ARL15: variants seen among roughly 807,000 people sequenced by gnomAD.
The protein encoded by ARL15 is ADP-ribosylation factor-like protein 15.
Under a neutral mutation model 25.2 loss-of-function variants are expected in ARL15, and 19 were observed. The ratio of observed to expected loss-of-function variants is 0.75; its 90% CI spans 0.53 to 1.10. ARL15 has a LOEUF of 1.10. ARL15 is among the 50% of genes least tolerant of loss of function. The probability of loss-of-function intolerance (pLI) is 0.00; values close to 1 mark genes in which losing one functional copy is unlikely to be tolerated. For missense variants in ARL15, 220 were observed against 246.0 expected (o/e 0.89, Z 0.71); for synonymous variants, 94 against 86.8 (o/e 1.08, Z -0.46).
intron 4 of ARL15, among the ~76,000 whole-genome samples, chr5:54,086,424 T>C (rs1214031524): frequency 2.0e-5 from 3 of 149,010 alleles, no homozygotes; most frequent in South Asian, 2.2e-4. Flanking sequence ...CTTCAAGACA[T>C]TGAGACAATG....
chr5:53,935,812 G>A (rs1181195306), intron 4 of ARL15, among the ~76,000 whole-genome samples: 2 of 152,168 alleles, frequency 1.3e-5, no homozygotes, highest in Non-Finnish European at 1.5e-5. Context: ...CTGGAGTACA[G>A]TGGTGCGATC....
chr5:54,118,090 C>T (rs191192686), intron 3 of ARL15, among the ~76,000 whole-genome samples: 1 of 152,230 alleles, frequency 6.6e-6, no homozygotes, highest in Non-Finnish European at 1.5e-5. Context: ...ACAAGAAAGA[C>T]CAATGCAAGT....
intron 4 of ARL15, among the ~76,000 whole-genome samples, chr5:53,958,885 A>C (rs970061587): frequency 1.3e-5 from 2 of 152,214 alleles, no homozygotes; most frequent in Admixed American, 1.3e-4. Flanking sequence ...TATGCACCAA[A>C]TATCAGATCT....
chr5:54,132,587 A>G (rs1753472418), intron 3 of ARL15, among the ~76,000 whole-genome samples: 1 of 152,168 alleles, frequency 6.6e-6, no homozygotes. Flanking sequence ...TTCTTAAGTG[A>G]AAGTAAGTTT....
chr5:53,922,322 TA>T (rs1480248650), intron 4 of ARL15, among the ~76,000 whole-genome samples: 2 of 152,186 alleles, frequency 1.3e-5, no homozygotes, highest in Admixed American at 1.3e-4. Flanking sequence ...GTCTCTGCCC[TA>T]GGACCAGGAG....
intron 4 of ARL15, among the ~76,000 whole-genome samples, chr5:53,994,510 G>T (rs1748606816): frequency 6.6e-6 from 1 of 152,174 alleles, no homozygotes; most frequent in Non-Finnish European, 1.5e-5. Flanking sequence ...AAGAGAGGCT[G>T]AATTAGCTGC....
At chr5:53,886,861 C>T (rs1471936663) in intron 4 of ARL15, 148 bp from the exon 5 acceptor site, 21 of 717,734 alleles carry the variant, frequency 2.9e-5, no homozygotes, top group Non-Finnish European at 4.1e-5. Flanking sequence ...GATGCCTGTC[C>T]GCAGCTGTTG....
intron 1 of ARL15, chr5:54,282,147 T>C (rs1307085677): frequency 1.8e-6 from 1 of 568,888 alleles, no homozygotes; most frequent in Non-Finnish European, 2.2e-6. Flanking sequence ...TCTAAAGTGG[T>C]TGTATATATT....
At chr5:54,238,739 T>A (rs1248390883) in intron 1 of ARL15, among the ~76,000 whole-genome samples, 1 of 152,154 alleles carries the variant, frequency 6.6e-6, no homozygotes, top group Non-Finnish European at 1.5e-5. Flanking sequence ...ACAGATCAGG[T>A]TGTTGTAATA....
chr5:54,261,280 T>G (rs1757491771), intron 1 of ARL15, among the ~76,000 whole-genome samples: 1 of 152,218 alleles, frequency 6.6e-6, no homozygotes, highest in Non-Finnish European at 1.5e-5. Context: ...GACCACAGTT[T>G]GTTTTTAAGT....
At chr5:53,911,668 T>C (rs1745469258) in intron 4 of ARL15, among the ~76,000 whole-genome samples, 1 of 152,076 alleles carries the variant, frequency 6.6e-6, no homozygotes, top group Non-Finnish European at 1.5e-5. Context: ...CAATGTGTAG[T>C]CTTTTATCCC....
rs949857141 is a variant in ARL15 at position 53,885,082 on chromosome 5, T to C, written c.*1479A>G. The C allele has an allele frequency of 6.6e-6, 1 of 152,660 alleles. No homozygotes were observed. The highest frequency in any genetic ancestry group is 1.5e-5 in the Non-Finnish European group (1 of 68,042). 9.5% of individuals were successfully genotyped at this position (152,660 alleles called of 1,614,324 possible). On this transcript the variant is annotated 3_prime_UTR_variant, in exon 5 of 5. Transcript: ENST00000504924. Reference sequence around the variant, plus strand: ...CTACATTTAAATGGCATTAAGGGTCTGAAGTCTATCTTCTGGAGAATTACC... The same window carrying C: ...CTACATTTAAATGGCATTAAGGGTCCGAAGTCTATCTTCTGGAGAATTACC...
Position 54,272,582 on chromosome 5 carries a change from C to CA in ARL15, c.48+37849dup, listed in dbSNP as rs1178313798. The stretch of plus-strand genomic sequence containing the variant: ...TTTAAGTTCCTAAGTTAAATAACCC[C>CA]AAATGTTTCTTATCAAGAAAAAAAG... On this transcript the variant is annotated intron_variant, in intron 1 of 4. Coordinates refer to ENST00000504924, the MANE Select transcript of ARL15 (RefSeq NM_019087.3). 3.3e-5 allele frequency among the ~76,000 whole-genome samples: 5 copies of CA among 152,010 alleles called. No homozygotes were observed. The South Asian group carries it at 1.0e-3, about 32-fold the overall frequency.
intron 4 of ARL15, among the ~76,000 whole-genome samples, chr5:54,009,816 AG>A (rs1749173366): frequency 6.6e-6 from 1 of 152,210 alleles, no homozygotes. Context: ...CAGGGAGAGT[AG>A]GGAACATCTC....
chr5:53,986,046 A>G (rs1747836266), intron 4 of ARL15, among the ~76,000 whole-genome samples: 1 of 152,186 alleles, frequency 6.6e-6, no homozygotes, highest in African/African-American at 2.4e-5. Flanking sequence ...CAGAGCTAAG[A>G]GAACACATGT....
chr5:54,123,322 G>A (rs1007170274), intron 3 of ARL15, among the ~76,000 whole-genome samples: 2 of 152,044 alleles, frequency 1.3e-5, no homozygotes, highest in Non-Finnish European at 2.9e-5. Flanking sequence ...TGTTGGCCAG[G>A]ATGGTTTCGA....
chr5:54,208,856 T>C (rs1436815898), intron 1 of ARL15, among the ~76,000 whole-genome samples: 2 of 152,106 alleles, frequency 1.3e-5, no homozygotes, highest in Non-Finnish European at 2.9e-5. Flanking sequence ...CCAGTCCAGA[T>C]TGGCGTAGAT....
At chr5:53,905,797 T>G (rs1745231777) in intron 4 of ARL15, among the ~76,000 whole-genome samples, 1 of 152,234 alleles carries the variant, frequency 6.6e-6, no homozygotes, top group Admixed American at 6.5e-5. Flanking sequence ...AATGATCTAT[T>G]TTTAACTAGA....
At chr5:54,079,052 T>C (rs984951125) in intron 4 of ARL15, among the ~76,000 whole-genome samples, 3 of 152,164 alleles carry the variant, frequency 2.0e-5, no homozygotes, top group African/African-American at 7.2e-5. Flanking sequence ...GTAAACGATA[T>C]TTACAGATTA....
Sources: gnomAD v4.1 joint callset for allele counts (sites outside exome capture counted in the v4.1 genomes callset) on GRCh38, gnomAD v4.1.1 for gene constraint, MANE v1.5 for transcripts, NCBI Gene and HGNC (gene_info 2026-07-23, HGNC 2026-07-21) for gene names.